The following VPS13D variants were observed in gnomAD, a reference collection of about 807,000 sequenced individuals.
The protein encoded by VPS13D is intermembrane lipid transfer protein VPS13D.
VPS13D carries 187 observed loss-of-function variants against 461.9 expected under a neutral mutation model. That is an observed-to-expected ratio of 0.40 (90% CI 0.36 to 0.46). VPS13D has a LOEUF of 0.46. Among genes scored for constraint, VPS13D ranks in the 20% least tolerant of loss-of-function variants. The pLI, the probability that VPS13D is intolerant of heterozygous loss-of-function variation, is 0.60. For missense variants in VPS13D, 4,711 were observed against 5,364.9 expected, an observed-to-expected ratio of 0.88 and a Z score of 3.81; for synonymous variants, 1,951 against 1,986.3, an observed-to-expected ratio of 0.98 and a Z score of 0.47.
chr1:12,416,966 C>T (rs1570130534), intron 65 of VPS13D, 139 bp downstream of exon 65: 3 of 935,450 alleles, frequency 3.2e-6, no homozygotes, highest in South Asian at 4.1e-5. Flanking sequence ...TTGCCTTTTC[C>T]TCACCTCCAG....
chr1:12,382,925 A>G, intron 57 of VPS13D, 51 bp from the exon 58 acceptor site: 1 of 1,548,542 alleles, frequency 6.5e-7, no homozygotes, highest in Non-Finnish European at 8.8e-7. Context: ...TAACTTGTCA[A>G]AGTCAGTGCC....
intron 67 of VPS13D, among the ~76,000 whole-genome samples, chr1:12,486,676 G>A (rs1645801725): frequency 6.6e-6 from 1 of 152,204 alleles, no homozygotes; most frequent in Middle Eastern, 3.2e-3. Context: ...CTGTACTCCA[G>A]GGGTTCTTGA....
chr1:12,257,922 T>C lies in VPS13D; in HGVS notation c.942-13T>C, dbSNP rs766524111. 1.9e-6 allele frequency: 3 copies of C among 1,613,990 alleles called. No individual in the cohort carries two copies. Among genetic ancestry groups the C allele is most frequent in the African/African-American group, 2.7e-5 (2 of 74,940 alleles). On this transcript the variant is annotated splice_polypyrimidine_tract_variant and intron_variant, in intron 9 of 69. Coordinates refer to ENST00000620676, the MANE Select transcript of VPS13D (RefSeq NM_015378.4). ...GTTGTAAGAAGTGATTACATCGTTA[T>C]GGACTATTTCAGCTGCCGAGAATGG...
At position 12,385,290 on chromosome 1, in the gene VPS13D, C is replaced by T. The variant is rs147684777; in HGVS notation, c.11401C>T (p.Arg3801Cys). The T allele has an allele frequency of 1.4e-5, 23 of 1,613,712 alleles. No individual in the cohort carries two copies. The African/African-American group carries it at 1.9e-4, about 13-fold the overall frequency. ...AGATTTCTGCCACCGGAAAAGCAGC[C>T]GTTCATATGAAGTGGATGAACTTCC... Reference protein sequence around the residue: ...ITDFCHRKSSRSYEVDELPVT... With the variant: ...ITDFCHRKSSCSYEVDELPVT... The change falls in exon 59 of 70, where the codon CGT becomes TGT. Residue 3801 changes from arginine to cysteine, a missense_variant. Transcript: ENST00000620676.
intron 60 of VPS13D, among the ~76,000 whole-genome samples, chr1:12,394,633 G>A (rs1159537469): frequency 2.0e-5 from 3 of 152,118 alleles, no homozygotes; most frequent in Non-Finnish European, 4.4e-5. Flanking sequence ...ATTGGTCAAG[G>A]ATATATCTTC....
intron 65 of VPS13D, among the ~76,000 whole-genome samples, chr1:12,426,982 C>G (rs1394542242): frequency 1.3e-5 from 2 of 151,976 alleles, no homozygotes; most frequent in South Asian, 2.1e-4. Flanking sequence ...CCATTGCACT[C>G]CAGCCTAGGC....
At chr1:12,328,149 C>G (rs1238382277) in intron 36 of VPS13D, among the ~76,000 whole-genome samples, 2 of 152,054 alleles carry the variant, frequency 1.3e-5, no homozygotes, top group African/African-American at 4.8e-5. Context: ...TTTTATGTAT[C>G]TAAAGATTGT....
intron 36 of VPS13D, among the ~76,000 whole-genome samples, chr1:12,328,424 C>T (rs1326939874): frequency 1.3e-5 from 2 of 148,886 alleles, no homozygotes; most frequent in African/African-American, 2.5e-5. Context: ...TGGTCTCAAA[C>T]GCATGGGCTC....
In VPS13D at chr1:12,311,485, A is replaced by G. The variant is rs954481058; in HGVS notation, c.6682A>G (p.Ile2228Val). 6.2e-7 allele frequency: 1 copy of G among 1,614,020 alleles called. No individual in the cohort carries two copies. Among genetic ancestry groups the G allele is most frequent in the South Asian group, 1.1e-5 (1 of 91,030 alleles). ...AAGTCATACTGTGCCAGACATATCT[A>G]TCCATGGCAATCTCTCCTCAGTCCA... ...EISHTVPDIS[I>V]HGNLSSVHCS... Residue 2228 changes from isoleucine (I) to valine (V), a missense_variant, in exon 28 of 70, where the codon ATC (isoleucine) becomes GTC (valine). Ile to Val is a conservative substitution (Grantham distance 29). Transcript: ENST00000620676.
intron 2 of VPS13D, among the ~76,000 whole-genome samples, chr1:12,240,247 G>C (rs1218161349): frequency 6.6e-6 from 1 of 152,020 alleles, no homozygotes; most frequent in African/African-American, 2.4e-5. Flanking sequence ...TTGTACAGCT[G>C]CCAGGGAAGC....
chr1:12,346,673 G>A (rs761731514), intron 44 of VPS13D, 21 bp downstream of exon 44: 23 of 1,610,552 alleles, frequency 1.4e-5, no homozygotes, highest in Non-Finnish European at 1.9e-5. Context: ...TTTTCCTGTT[G>A]TCATTGTGTT....
intron 1 of VPS13D, among the ~76,000 whole-genome samples, chr1:12,231,830 A>G (rs1215630021): frequency 6.6e-6 from 1 of 152,140 alleles, no homozygotes; most frequent in East Asian, 1.9e-4. Flanking sequence ...TCTACCAAAA[A>G]TACAAAACTT....
At chr1:12,268,025 G>A in intron 15 of VPS13D, 105 bp downstream of exon 15, 16 of 938,534 alleles carry the variant, frequency 1.7e-5, no homozygotes, top group Non-Finnish European at 2.3e-5. Context: ...GCAGTGGTGT[G>A]ATCTTGGCTC....
chr1:12,296,364 T>C (rs1268048751), intron 24 of VPS13D, among the ~76,000 whole-genome samples: 1 of 152,264 alleles, frequency 6.6e-6, no homozygotes, highest in Non-Finnish European at 1.5e-5. Context: ...TAAAATGATA[T>C]TACATTTATG....
At position 12,510,519 on chromosome 1, in the gene VPS13D, CT is replaced by C; in HGVS notation, c.*1496del. On this transcript the variant is annotated 3_prime_UTR_variant, in exon 70 of 70. Coordinates refer to ENST00000620676, the MANE Select transcript of VPS13D (RefSeq NM_015378.4). ...TTCCTCTCCCACTTCCCCTCTGTGT[CT>C]GTGTCTGTGTGTGTGTGTGTGTGTG... 1 of 145,788 alleles carries C rather than the reference CT, an allele frequency of 6.9e-6. No individual in the cohort carries two copies. Among genetic ancestry groups the C allele is most frequent in the East Asian group, 2.0e-4 (1 of 4,906 alleles). The allele number at this position is 145,788 out of a possible 1,614,324, so 9.0% of individuals were successfully genotyped here.
At chr1:12,373,884 A>G in intron 55 of VPS13D, 26 bp downstream of exon 55, 2 of 1,576,996 alleles carry the variant, frequency 1.3e-6, no homozygotes, top group Non-Finnish European at 1.7e-6. Flanking sequence ...ATCAGAGTTT[A>G]GAATACAAGG....
intron 67 of VPS13D, among the ~76,000 whole-genome samples, chr1:12,477,381 C>T (rs1487591677): frequency 4.6e-5 from 7 of 152,068 alleles, no homozygotes; most frequent in Non-Finnish European, 7.4e-5. Flanking sequence ...ACAGGTGGAC[C>T]CACTAATACA....
At chr1:12,361,403 A>ATTTTTTT (rs1297978975) in intron 50 of VPS13D, among the ~76,000 whole-genome samples, 5 of 133,996 alleles carry the variant, frequency 3.7e-5, no homozygotes, top group African/African-American at 1.1e-4. Flanking sequence ...TTATTTATTT[A>ATTTTTTT]TTTTTTTTTT....
At chr1:12,458,438 C>T (rs942994543) in intron 66 of VPS13D, among the ~76,000 whole-genome samples, 1 of 152,012 alleles carries the variant, frequency 6.6e-6, no homozygotes, top group Non-Finnish European at 1.5e-5. Flanking sequence ...TGCAGTGGCT[C>T]AGGACAGTAA....
Sources: gnomAD v4.1 joint callset for allele counts (sites outside exome capture counted in the v4.1 genomes callset) on GRCh38, gnomAD v4.1.1 for gene constraint, MANE v1.5 for transcripts, NCBI Gene and HGNC (gene_info 2026-07-23, HGNC 2026-07-21) for gene names.